Variants in RBFOX1 observed in about 807,000 individuals in gnomAD.
RBFOX1 encodes the protein RNA binding protein fox-1 homolog 1.
Under a neutral mutation model 57.7 loss-of-function variants are expected in RBFOX1, and 8 were observed. The observed-to-expected ratio is 0.14, with a 90% CI of 0.08 to 0.25. The LOEUF (loss-of-function observed/expected upper bound fraction) is 0.25. RBFOX1 is among the 10% of genes least tolerant of loss of function. The pLI is 1.00. For missense variants in RBFOX1, 611 were observed against 548.5 expected (o/e 1.11, Z -1.14); for synonymous variants, 326 against 222.4 (o/e 1.47, Z -4.15).
intron 3 of RBFOX1, among the ~76,000 whole-genome samples, chr16:6,856,859 C>G (rs1254375908): frequency 6.6e-6 from 1 of 151,456 alleles, no homozygotes; most frequent in East Asian, 1.9e-4. Flanking sequence ...ATTGTCAATT[C>G]AGATAATAAT....
chr16:7,608,346 C>T (rs981737310), intron 10 of RBFOX1, among the ~76,000 whole-genome samples: 1 of 152,156 alleles, frequency 6.6e-6, no homozygotes, highest in African/African-American at 2.4e-5. Flanking sequence ...ACCAGTCTGA[C>T]AAAATTTAAG....
intron 4 of RBFOX1, among the ~76,000 whole-genome samples, chr16:7,227,177 A>G (rs187226436): frequency 1.3e-5 from 2 of 152,224 alleles, no homozygotes; most frequent in Non-Finnish European, 2.9e-5. Flanking sequence ...TGTACATGGT[A>G]GCCTATGCAA....
intron 4 of RBFOX1, among the ~76,000 whole-genome samples, chr16:7,313,490 G>A (rs141408649): frequency 5.0e-5 from 7 of 141,050 alleles, no homozygotes; most frequent in African/African-American, 1.6e-4. Context: ...TTTTTTTAAG[G>A]CTCTTTGGTT....
At chr16:6,543,361 C>G (rs1167133863) in intron 2 of RBFOX1, among the ~76,000 whole-genome samples, 1 of 152,094 alleles carries the variant, frequency 6.6e-6, no homozygotes, top group Admixed American at 6.5e-5. Context: ...TCCACTGAGT[C>G]TCTACTCGGT....
intron 5 of RBFOX1, among the ~76,000 whole-genome samples, chr16:7,520,181 G>T (rs527887384): frequency 1.3e-5 from 2 of 152,014 alleles, no homozygotes; most frequent in African/African-American, 2.4e-5. Flanking sequence ...CACCGCGCCC[G>T]GCCTAGTTTT....
intron 2 of RBFOX1, among the ~76,000 whole-genome samples, chr16:5,520,656 C>G (rs1297181467): frequency 6.6e-6 from 1 of 152,208 alleles, no homozygotes; most frequent in Non-Finnish European, 1.5e-5. Context: ...TATTTGCTCT[C>G]TCTTCTGAAA....
chr16:7,256,721 A>G (rs8048192), intron 4 of RBFOX1, among the ~76,000 whole-genome samples: 103,171 of 152,064 alleles, frequency 0.68, 36,624 homozygotes, highest in African/African-American at 0.88. Context: ...AAGGACGCCC[A>G]GGGCCATGTT....
At chr16:7,166,066 T>C (rs904529425) in intron 4 of RBFOX1, among the ~76,000 whole-genome samples, 3 of 151,950 alleles carry the variant, frequency 2.0e-5, no homozygotes, top group Admixed American at 2.0e-4. Context: ...CAGGTTGGAG[T>C]GCAGTGGATT....
chr16:7,001,782 C>G (rs1371154129), intron 3 of RBFOX1, among the ~76,000 whole-genome samples: 1 of 152,054 alleles, frequency 6.6e-6, no homozygotes, highest in South Asian at 2.1e-4. Context: ...AGAAGCTTTT[C>G]AGAACCAGGA....
chr16:6,566,485 TACAGAG>T (rs1000789089), intron 2 of RBFOX1, among the ~76,000 whole-genome samples: 12 of 152,236 alleles, frequency 7.9e-5, no homozygotes, highest in Non-Finnish European at 1.5e-4. Flanking sequence ...TTTCTTAATC[TACAGAG>T]ACTTTGTCAT....
intron 4 of RBFOX1, among the ~76,000 whole-genome samples, chr16:7,199,585 G>T (rs2087746246): frequency 6.6e-6 from 1 of 152,078 alleles, no homozygotes; most frequent in African/African-American, 2.4e-5. Flanking sequence ...ATCTGATCAG[G>T]GCTGGGATGA....
intron 4 of RBFOX1, among the ~76,000 whole-genome samples, chr16:7,166,763 G>A (rs1025274903): frequency 5.9e-5 from 9 of 152,002 alleles, no homozygotes; most frequent in East Asian, 3.9e-4. Flanking sequence ...GGATGAGTGC[G>A]CACTGGGTGG....
At chr16:7,130,546 C>T (rs999195953) in intron 4 of RBFOX1, among the ~76,000 whole-genome samples, 1 of 152,134 alleles carries the variant, frequency 6.6e-6, no homozygotes, top group Non-Finnish European at 1.5e-5. Context: ...CAAGTATATT[C>T]TGAATGATGG....
At chr16:7,273,258 C>T (rs112496688) in intron 4 of RBFOX1, among the ~76,000 whole-genome samples, 2,902 of 136,686 alleles carry the variant, frequency 0.021, 245 homozygotes, top group African/African-American at 0.048. Context: ...TCCTTCCTTC[C>T]TTCCTCCCTT....
At chr16:6,368,715 G>C (rs2090017682) in intron 2 of RBFOX1, among the ~76,000 whole-genome samples, 1 of 152,126 alleles carries the variant, frequency 6.6e-6, no homozygotes, top group African/African-American at 2.4e-5. Flanking sequence ...TTATCAATTA[G>C]TCATATGTAC....
intron 2 of RBFOX1, among the ~76,000 whole-genome samples, chr16:6,456,443 C>T (rs926218465): frequency 1.3e-5 from 2 of 152,070 alleles, no homozygotes; most frequent in Non-Finnish European, 2.9e-5. Context: ...AGAGTGGCTG[C>T]GATTATTCAA....
intron 2 of RBFOX1, among the ~76,000 whole-genome samples, chr16:6,521,393 T>C (rs978982650): frequency 6.6e-6 from 1 of 151,466 alleles, no homozygotes; most frequent in Non-Finnish European, 1.5e-5. Flanking sequence ...TCCTTCCCTC[T>C]CTCCCTCCCT....
intron 4 of RBFOX1, among the ~76,000 whole-genome samples, chr16:7,193,756 C>T (rs990204708): frequency 3.3e-5 from 5 of 152,152 alleles, no homozygotes; most frequent in East Asian, 1.9e-4. Context: ...CCATGGTAGA[C>T]AGCTCAGAAT....
At chr16:7,140,151 TCTCTCC>T (rs1295920890) in intron 4 of RBFOX1, among the ~76,000 whole-genome samples, 1,644 of 117,128 alleles carry the variant, frequency 0.014, 60 homozygotes, top group African/African-American at 0.066. Context: ...ATTCTCTCCT[TCTCTCC>T]CTCTCTCTCT....
Sources: gnomAD v4.1 joint callset for allele counts (sites outside exome capture counted in the v4.1 genomes callset) on GRCh38, gnomAD v4.1.1 for gene constraint, MANE v1.5 for transcripts, NCBI Gene and HGNC (gene_info 2026-07-23, HGNC 2026-07-21) for gene names.